FCAMR: variants seen among roughly 807,000 people sequenced by gnomAD.
FCAMR encodes the protein Fc alpha and mu receptor.
Under a neutral mutation model 52.2 loss-of-function variants are expected in FCAMR, and 51 were observed. The observed-to-expected ratio is 0.98, with a 90% CI of 0.78 to 1.23. FCAMR has a LOEUF of 1.23. Among genes scored for constraint, FCAMR ranks in the 50% most tolerant of loss-of-function variants. FCAMR has a pLI of 0.00. For missense variants in FCAMR, 719 were observed against 712.6 expected (o/e 1.01, Z -0.10); for synonymous variants, 282 against 262.0 (o/e 1.08, Z -0.74).
In FCAMR at chr1:206,960,805, C is replaced by T; in HGVS notation, c.1071G>A (p.Glu357=). 6.4e-7 allele frequency: 1 copy of T among 1,552,434 alleles called. No homozygotes were observed. Among genetic ancestry groups the T allele is most frequent in the Non-Finnish European group, 8.7e-7 (1 of 1,147,162 alleles). ...MTTTKADRPR[E]DIEGVRIALD... ...GAGCTATCCTGACCCCCTCTATGTCCTCCCTTGGCCTATCAGCCTTGGTAG... is the reference window on the plus strand; with the variant it reads ...GAGCTATCCTGACCCCCTCTATGTCTTCCCTTGGCCTATCAGCCTTGGTAG... The change falls in exon 6 of 8, where the codon GAG becomes GAA. Residue 357 remains glutamate (E), a synonymous_variant. Transcript: ENST00000324852.
At chr1:206,967,445 C>T in intron 2 of FCAMR, 138 bp downstream of exon 2, 3 of 895,644 alleles carry the variant, frequency 3.3e-6, no homozygotes, top group South Asian at 1.6e-5. Context: ...TTGTGGGGAG[C>T]ACCGTGTAGT....
rs1680477045 is a variant in FCAMR, at chr1:206,960,745, C to T, written c.1131G>A (p.Gly377=). The change falls in exon 6 of 8, where the codon GGG becomes GGA. Residue 377 remains glycine (G), a synonymous_variant. Transcript: ENST00000324852. ...AAGTTTCTGAGACCAGAGCTGGTGG[C>T]CCAATGGTTCCTAGGACCTTTTTGG... ...DAAKKVLGTI[G]PPALVSETLA... 1.9e-6 allele frequency: 3 copies of T among 1,552,352 alleles called. No individual in the cohort carries two copies. Among genetic ancestry groups the T allele is most frequent in the African/African-American group, 1.4e-5 (1 of 73,158 alleles).
rs946694672 is a variant in FCAMR at position 206,963,608 on chromosome 1, C to T, written c.314-1057G>A. On this transcript the variant is annotated intron_variant, in intron 4 of 7. Transcript: ENST00000324852. The stretch of plus-strand genomic sequence containing the variant: ...CCAGTCAAAACCCTTTCCTTTCTCC[C>T]AGCTGGGCTTGGAGTCTGTCATGGA... Among the ~76,000 whole-genome samples, 6 of 152,288 alleles carry T rather than the reference C, an allele frequency of 3.9e-5. No homozygotes were observed. In the South Asian group the frequency reaches 1.2e-3, roughly 32 times the overall value.
chr1:206,968,849 T>C (rs1422844935), intron 1 of FCAMR, among the ~76,000 whole-genome samples: 3 of 152,166 alleles, frequency 2.0e-5, no homozygotes, highest in African/African-American at 7.2e-5. Flanking sequence ...ACTTGGCAAG[T>C]TGTCCCCTCA....
chr1:206,960,845 C>G lies in FCAMR; in HGVS notation c.1031G>C (p.Arg344Thr). Residue 344 changes from arginine to threonine, a missense_variant, in exon 6 of 8, where the codon AGG (arginine) becomes ACG (threonine). Coordinates refer to ENST00000324852, the MANE Select transcript of FCAMR (RefSeq NM_001170631.2). ...AGCCTTGGTAGTTGTCATCTCCCTC[C>G]TGTCCTTGCTGGCTCTAGCCCTGTT... ...VTNRARASKD[R>T]REMTTTKADR... 3.2e-6 allele frequency: 5 copies of G among 1,552,434 alleles called. No individual in the cohort carries two copies. The highest frequency in any genetic ancestry group is 4.4e-6 in the Non-Finnish European group (5 of 1,147,156).
At chr1:206,969,039 C>T (rs1680828142) in intron 1 of FCAMR, among the ~76,000 whole-genome samples, 1 of 152,222 alleles carries the variant, frequency 6.6e-6, no homozygotes, top group African/African-American at 2.4e-5. Flanking sequence ...CCCTGCCTTA[C>T]AAAGCTTCCT....
chr1:206,962,626 A>T, intron 4 of FCAMR, 75 bp from the exon 5 acceptor site: 1 of 1,276,476 alleles, frequency 7.8e-7, no homozygotes, highest in South Asian at 1.6e-5. Context: ...CGAACTCTGA[A>T]CTCTGCCAGA....
chr1:206,959,005 G>T (rs199511959), intron 7 of FCAMR: 1 of 498,286 alleles, frequency 2.0e-6, no homozygotes, highest in South Asian at 1.6e-5. Context: ...TTGCCAAAGG[G>T]GGAAAATGCG....
rs369202343 is a variant in FCAMR, at chr1:206,960,451, T to C, written c.1425A>G (p.Gly475=). 387 of 1,514,734 alleles carry C rather than the reference T, an allele frequency of 2.6e-4. 2 individuals are homozygous for C. In the African/African-American group the frequency reaches 4.2e-3, roughly 17 times the overall value. 93.8% of individuals were successfully genotyped at this position (1,514,734 alleles called of 1,614,324 possible). ...TCACGGAGGACTCCTTGCCAGGGGG[T>C]CCCCAGGGTCCTACTGCCGGGGTCT... ...LSQTPAVGPW[G]PPGKESSVKR... Residue 475 remains glycine (G), a synonymous_variant, in exon 6 of 8, where the codon GGA becomes GGG. Coordinates refer to ENST00000324852, the MANE Select transcript of FCAMR (RefSeq NM_001170631.2).
chr1:206,960,923 C>T lies in FCAMR; in HGVS notation c.953G>A (p.Ser318Asn), dbSNP rs1028558608. The T allele has an allele frequency of 6.4e-7, 1 of 1,552,308 alleles. No individual in the cohort carries two copies. Residue 318 changes from serine to asparagine, a missense_variant, in exon 6 of 8, where the codon AGC (serine) becomes AAC (asparagine). By Grantham distance (46) the Ser-to-Asn change is conservative. Coordinates refer to ENST00000324852, the MANE Select transcript of FCAMR (RefSeq NM_001170631.2). Reference sequence around the variant, plus strand: ...AACACCTTCTGTTGTATTGGACATGCTTCTGCTCTTTGAAGGTGGACTCTC... The same window carrying T: ...AACACCTTCTGTTGTATTGGACATGTTTCTGCTCTTTGAAGGTGGACTCTC... Reference protein sequence around the residue: ...IPESPPSKSRSMSNTTEGVWE... With the variant: ...IPESPPSKSRNMSNTTEGVWE...
intron 4 of FCAMR, among the ~76,000 whole-genome samples, chr1:206,963,947 T>C (rs1680608664): frequency 6.6e-6 from 1 of 152,116 alleles, no homozygotes; most frequent in Non-Finnish European, 1.5e-5. Context: ...GTGGTCATAG[T>C]CCCCTCTGGG....
intron 4 of FCAMR, among the ~76,000 whole-genome samples, chr1:206,965,019 T>G (rs1018935205): frequency 2.0e-5 from 3 of 152,218 alleles, no homozygotes; most frequent in African/African-American, 7.2e-5. Context: ...ATAAATGTTA[T>G]GTCTGTGCTG....
chr1:206,959,544 T>G, intron 7 of FCAMR, 135 bp downstream of exon 7: 25 of 560,008 alleles, frequency 4.5e-5, no homozygotes, highest in South Asian at 8.9e-5. Flanking sequence ...AGGCCAAGAG[T>G]GGTTAAATGG....
At position 206,960,696 on chromosome 1, in the gene FCAMR, C is replaced by T. The variant is rs1156539996; in HGVS notation, c.1180G>A (p.Ala394Thr). The T allele has an allele frequency of 4.5e-6, 7 of 1,552,124 alleles. No homozygotes were observed. The highest frequency in any genetic ancestry group is 2.7e-5 in the African/African-American group (2 of 73,062). ...GATTGTTGCTTAGAAACTGGCGTTG[C>T]TTGTGGGAGGATTTCCCAGGCCAAA... ...ETLAWEILPQ[A>T]TPVSKQQSQG... The change falls in exon 6 of 8, where the codon GCA (alanine) becomes ACA (threonine). Residue 394 changes from alanine to threonine, a missense_variant. Ala to Thr is a moderately conservative substitution (Grantham distance 58, BLOSUM62 0). Coordinates refer to ENST00000324852, the MANE Select transcript of FCAMR (RefSeq NM_001170631.2).
rs1373266214 is a variant in FCAMR at position 206,958,070 on chromosome 1, T to A, written c.*446A>T. The A allele has an allele frequency of 6.5e-6, 1 of 153,720 alleles. No individual in the cohort carries two copies. The highest frequency in any genetic ancestry group is 2.4e-5 in the African/African-American group (1 of 41,460). 9.5% of individuals were successfully genotyped at this position (153,720 alleles called of 1,614,324 possible). A position where few individuals can be genotyped will look rare whatever the true frequency, so the allele number is the denominator to read the frequency against. ...ATTACTGCCTTAAAGGAGCTTAGAA[T>A]CTACTTGAGAAGGCAAGGCTGGTAC... On this transcript the variant is annotated 3_prime_UTR_variant, in exon 8 of 8. Coordinates refer to ENST00000324852, the MANE Select transcript of FCAMR (RefSeq NM_001170631.2).
Position 206,960,131 on chromosome 1 carries a change from C to G in FCAMR, c.1454+291G>C, listed in dbSNP as rs1048685324. The G allele has an allele frequency of 1.0e-4, 51 of 501,322 alleles. No individual in the cohort carries two copies. The East Asian group carries it at 1.6e-3, about 15-fold the overall frequency. 31.1% of individuals were successfully genotyped at this position (501,322 alleles called of 1,614,324 possible). A position where few individuals can be genotyped will look rare whatever the true frequency, so the allele number is the denominator to read the frequency against. The stretch of plus-strand genomic sequence containing the variant: ...TCCTTGTGGCTTCAGTGCATCACCC[C>G]CTCTCTCCGGAGCGCCTATTCTTTA... On this transcript the variant is annotated intron_variant, in intron 6 of 7. Transcript: ENST00000324852.
chr1:206,967,513 A>G (rs1680763342), intron 2 of FCAMR, 70 bp downstream of exon 2: 6 of 1,495,232 alleles, frequency 4.0e-6, no homozygotes, highest in Non-Finnish European at 5.6e-6. Context: ...TTGGAAGGTT[A>G]GTCTCAGGGA....
rs1383996833 is a variant in FCAMR, at chr1:206,970,288, T to C, written c.-163A>G. ...CAACGGAAGGTCGGGGTGCAAGGCGTAGCTCTGCCACTCACCTCAAGTCAC... is the reference window on the plus strand; with the variant it reads ...CAACGGAAGGTCGGGGTGCAAGGCGCAGCTCTGCCACTCACCTCAAGTCAC... On this transcript the variant is annotated 5_prime_UTR_variant, in exon 1 of 8. Transcript: ENST00000324852. The C allele has an allele frequency of 2.3e-5, 15 of 660,684 alleles. No individual in the cohort carries two copies. The highest frequency in any genetic ancestry group is 3.4e-5 in the Non-Finnish European group (13 of 386,108). The allele number at this position is 660,684 out of a possible 1,614,324, so 40.9% of individuals were successfully genotyped here. A position where few individuals can be genotyped will look rare whatever the true frequency, so the allele number is the denominator to read the frequency against.
chr1:206,965,531 G>C (rs866914066), intron 4 of FCAMR, among the ~76,000 whole-genome samples, 184 bp downstream of exon 4: 1 of 152,282 alleles, frequency 6.6e-6, no homozygotes, highest in South Asian at 2.1e-4. Flanking sequence ...CCAACTCCCT[G>C]CCCATCCATG....
Sources: allele counts gnomAD v4.1 joint callset (sites outside exome capture counted in the v4.1 genomes callset), GRCh38; gene constraint gnomAD v4.1.1; transcripts MANE v1.5; gene names NCBI Gene and HGNC (gene_info 2026-07-23, HGNC 2026-07-21).